Variants in SMG6 observed in about 807,000 individuals in gnomAD.
SMG6 encodes SMG6 nonsense mediated mRNA decay factor.
A neutral mutation model predicts 142.2 loss-of-function variants in SMG6; 66 were observed. The ratio of observed to expected loss-of-function variants is 0.46; its 90% confidence interval spans 0.38 to 0.57. The LOEUF is 0.57. SMG6 is among the 20% of genes least tolerant of loss of function. The pLI, the probability that SMG6 is intolerant of heterozygous loss-of-function variation, is 0.00. For missense variants in SMG6, 1,793 were observed against 1,832.0 expected (o/e 0.98, Z 0.39); for synonymous variants, 779 against 702.4 (o/e 1.11, Z -1.72).
chr17:2,169,641 G>A (rs1272265541), intron 13 of SMG6, among the ~76,000 whole-genome samples: 2 of 152,158 alleles, frequency 1.3e-5, no homozygotes, highest in African/African-American at 2.4e-5. Flanking sequence ...CAGCAAGGAT[G>A]TCAATGTGAC....
chr17:2,123,562 C>T (rs1234600186), intron 13 of SMG6, among the ~76,000 whole-genome samples: 3 of 152,222 alleles, frequency 2.0e-5, no homozygotes, highest in Non-Finnish European at 2.9e-5. Flanking sequence ...CTATACACTT[C>T]TGCCCACACT....
At chr17:2,077,034 G>C (rs1052568376) in intron 15 of SMG6, among the ~76,000 whole-genome samples, 1 of 152,182 alleles carries the variant, frequency 6.6e-6, no homozygotes, top group Admixed American at 6.5e-5. Context: ...CTCCAGAAGC[G>C]GATGGATCCT....
intron 13 of SMG6, among the ~76,000 whole-genome samples, chr17:2,091,989 CTTT>C (rs1168356792): frequency 4.2e-5 from 6 of 142,612 alleles, no homozygotes; most frequent in East Asian, 4.1e-4. Flanking sequence ...GCCCCTTTTT[CTTT>C]TTTTTTTTTT....
Position 2,061,519 on chromosome 17 carries a change from G to A in SMG6, c.4233C>T (p.Ala1411=), listed in dbSNP as rs746325036. The A allele has an allele frequency of 6.3e-7, 1 of 1,575,276 alleles. No individual in the cohort carries two copies. Among genetic ancestry groups the A allele is most frequent in the Admixed American group, 1.8e-5 (1 of 54,788 alleles). The change falls in exon 19 of 19, where the codon GCC becomes GCT. Residue 1411 remains alanine (A), a synonymous_variant. Transcript: ENST00000263073. ...AGCCCACCTGGGCCCACGTGAGGAA[G>A]GCTGGGATGTCCCGTACAGGAACAT... The part of the protein sequence containing the change: ...TRNVPVRDIP[A]FLTWAQVG
At chr17:2,218,123 C>T (rs1404859095) in intron 10 of SMG6, among the ~76,000 whole-genome samples, 3 of 152,112 alleles carry the variant, frequency 2.0e-5, no homozygotes, top group African/African-American at 7.2e-5. Context: ...TGAGCCCCCA[C>T]AGACAGCCTA....
intron 13 of SMG6, among the ~76,000 whole-genome samples, chr17:2,110,670 A>T (rs2151492309): frequency 6.6e-6 from 1 of 152,282 alleles, no homozygotes; most frequent in East Asian, 1.9e-4. Context: ...GTCATCATCA[A>T]GTCCAACAGG....
intron 7 of SMG6, 135 bp downstream of exon 7, chr17:2,283,490 A>T: frequency 2.8e-6 from 2 of 708,422 alleles, no homozygotes; most frequent in South Asian, 1.7e-5. Flanking sequence ...GAGGACACAC[A>T]GACACTGAGC....
chr17:2,180,547 A>G (rs2071774059), intron 12 of SMG6, among the ~76,000 whole-genome samples: 1 of 152,068 alleles, frequency 6.6e-6, no homozygotes, highest in African/African-American at 2.4e-5. Flanking sequence ...CGATACTCTC[A>G]TCATCATCCT....
At chr17:2,090,567 A>T (rs2068689770) in intron 13 of SMG6, among the ~76,000 whole-genome samples, 1 of 152,232 alleles carries the variant, frequency 6.6e-6, no homozygotes, top group Admixed American at 6.5e-5. Context: ...TTCTCCAAAC[A>T]GGCTTCTTGG....
At chr17:2,173,470 G>A (rs945588338) in intron 12 of SMG6, among the ~76,000 whole-genome samples, 2 of 152,154 alleles carry the variant, frequency 1.3e-5, no homozygotes, top group Admixed American at 6.5e-5. Context: ...GGAAGGTAAA[G>A]CCTCTTACAC....
chr17:2,159,221 G>T (rs540441201), intron 13 of SMG6, among the ~76,000 whole-genome samples: 5 of 152,172 alleles, frequency 3.3e-5, no homozygotes, highest in African/African-American at 1.2e-4. Context: ...AGAAGTTCGA[G>T]ACCAGTCTGG....
rs1364540011 is a variant in SMG6, at chr17:2,275,970, G to T, written c.2661+6677C>A. Among the ~76,000 whole-genome samples the T allele has an allele frequency of 2.0e-4, 31 of 152,134 alleles. 1 individual carries two copies. The highest frequency in any genetic ancestry group is 2.4e-5 in the African/African-American group (1 of 41,424). ...ATGCTTGGCAGAGAACAGACTAGTTGGGATGTTACCACTGTTACTAACAAC... is the reference window on the plus strand; with the variant it reads ...ATGCTTGGCAGAGAACAGACTAGTTTGGATGTTACCACTGTTACTAACAAC... On this transcript the variant is annotated intron_variant, in intron 8 of 18. Coordinates refer to ENST00000263073, the MANE Select transcript of SMG6 (RefSeq NM_017575.5).
At chr17:2,070,984 C>T (rs1451647880) in intron 15 of SMG6, among the ~76,000 whole-genome samples, 1 of 152,248 alleles carries the variant, frequency 6.6e-6, no homozygotes, top group African/African-American at 2.4e-5. Context: ...TTCCTCATTT[C>T]TCAGGCCATG....
intron 13 of SMG6, among the ~76,000 whole-genome samples, chr17:2,156,448 C>A (rs926059239): frequency 2.8e-5 from 4 of 143,210 alleles, no homozygotes; most frequent in Non-Finnish European, 4.6e-5. Context: ...ACTACAGGTC[C>A]TTCTATCTTA....
intron 8 of SMG6, among the ~76,000 whole-genome samples, chr17:2,257,761 G>A (rs576689557): frequency 6.6e-5 from 10 of 152,046 alleles, no homozygotes; most frequent in South Asian, 2.1e-4. Flanking sequence ...GCTCATGCTT[G>A]TAATCCCAGC....
Position 2,188,080 on chromosome 17 carries a change from G to A in SMG6, c.2986+319C>T, listed in dbSNP as rs976465162. Among the ~76,000 whole-genome samples, 8 of 152,078 alleles carry A rather than the reference G, an allele frequency of 5.3e-5. No homozygotes were observed. The East Asian group carries it at 1.2e-3, about 22-fold the overall frequency. On this transcript the variant is annotated intron_variant, in intron 11 of 18. Transcript: ENST00000263073. ...GAGATAAAGGGGAAAACACAACGTC[G>A]ATTATGGAAACTAACTTTTCTGGTT...
At chr17:2,132,666 G>A (rs1407809689) in intron 13 of SMG6, among the ~76,000 whole-genome samples, 1 of 152,184 alleles carries the variant, frequency 6.6e-6, no homozygotes, top group African/African-American at 2.4e-5. Context: ...TCCTACATGA[G>A]GTACAGGAAC....
intron 16 of SMG6, 148 bp from the exon 17 acceptor site, chr17:2,065,827 G>A: frequency 1.5e-6 from 1 of 672,562 alleles, no homozygotes; most frequent in South Asian, 1.8e-5. Flanking sequence ...AGGGCCGGAG[G>A]GGAGCTTGTG....
At chr17:2,145,540 C>T (rs1206719273) in intron 13 of SMG6, among the ~76,000 whole-genome samples, 1 of 147,028 alleles carries the variant, frequency 6.8e-6, no homozygotes, top group African/African-American at 2.5e-5. Flanking sequence ...GTAGGGTGGG[C>T]GCAGTGGCTC....
Sources: gnomAD v4.1 joint callset for allele counts (sites outside exome capture counted in the v4.1 genomes callset) on GRCh38, gnomAD v4.1.1 for gene constraint, MANE v1.5 for transcripts, NCBI Gene and HGNC (gene_info 2026-07-23, HGNC 2026-07-21) for gene names.